Variants in LHFPL2 observed in about 807,000 individuals in gnomAD.
LHFPL2 encodes the protein LHFPL tetraspan subfamily member 2, also known as LHFPL tetraspan subfamily member 2 protein.
Under a neutral mutation model 17.5 loss-of-function variants are expected in LHFPL2, and 7 were observed. The ratio of observed to expected loss-of-function variants is 0.40; its 90% CI spans 0.23 to 0.75. LHFPL2 has a LOEUF of 0.75. Among genes scored for constraint, LHFPL2 ranks in the 30% least tolerant of loss-of-function variants. The pLI is 0.37. For synonymous variants in LHFPL2, 134 were observed against 116.2 expected, an observed-to-expected ratio of 1.15 and a Z score of -0.99; for missense variants, 241 against 294.8, an observed-to-expected ratio of 0.82 and a Z score of 1.34.
At chr5:78,501,190 C>T (rs545652527) in intron 4 of LHFPL2, among the ~76,000 whole-genome samples, 17 of 152,272 alleles carry the variant, frequency 1.1e-4, no homozygotes, top group Admixed American at 3.9e-4. Context: ...AATAAAGACA[C>T]TGAAAATAGC....
At chr5:78,617,281 C>G (rs757367232) in intron 2 of LHFPL2, among the ~76,000 whole-genome samples, 1 of 152,286 alleles carries the variant, frequency 6.6e-6, no homozygotes, top group Non-Finnish European at 1.5e-5. Flanking sequence ...CCACCCACCT[C>G]GGACTCCCAA....
At chr5:78,645,224 G>T (rs1656578254) in intron 1 of LHFPL2, among the ~76,000 whole-genome samples, 1 of 151,804 alleles carries the variant, frequency 6.6e-6, no homozygotes, top group South Asian at 2.1e-4. Flanking sequence ...GTCTATGGAA[G>T]TCCTTTGAAA....
intron 3 of LHFPL2, among the ~76,000 whole-genome samples, chr5:78,538,574 A>G (rs1481997705): frequency 6.6e-6 from 1 of 152,134 alleles, no homozygotes; most frequent in Non-Finnish European, 1.5e-5. Flanking sequence ...TGTCTTACTC[A>G]TTCCTGCTAT....
intron 1 of LHFPL2, among the ~76,000 whole-genome samples, chr5:78,640,127 T>C (rs577374583): frequency 3.9e-5 from 6 of 152,286 alleles, no homozygotes; most frequent in African/African-American, 1.4e-4. Context: ...GGGGAGCTTG[T>C]TGCTAAAGAA....
At chr5:78,502,957 C>T (rs374158384) in intron 4 of LHFPL2, among the ~76,000 whole-genome samples, 1,722 of 152,160 alleles carry the variant, frequency 0.011, 38 homozygotes, top group African/African-American at 0.04. Context: ...TCATTTTCTC[C>T]GCATGTGTAG....
At chr5:78,629,606 C>T (rs1407250453) in intron 2 of LHFPL2, among the ~76,000 whole-genome samples, 1 of 152,206 alleles carries the variant, frequency 6.6e-6, no homozygotes, top group Non-Finnish European at 1.5e-5. Context: ...TCCACAAAGG[C>T]TGAGGGAGGA....
chr5:78,600,020 AAC>A lies in LHFPL2; in HGVS notation c.-245+32242_-245+32243del, dbSNP rs377196059. Among the ~76,000 whole-genome samples, 31 of 152,268 alleles carry A rather than the reference AAC, an allele frequency of 2.0e-4. No homozygotes were observed. The East Asian group carries it at 6.0e-3, about 29-fold the overall frequency. On this transcript the variant is annotated intron_variant, in intron 2 of 4. Transcript: ENST00000380345. ...TAACCTCTCACTCAGATTAATAATGAACATGCAATATACCCTTCAGAAAGAGC... is the reference window on the plus strand; with the variant it reads ...TAACCTCTCACTCAGATTAATAATGAATGCAATATACCCTTCAGAAAGAGC...
intron 2 of LHFPL2, among the ~76,000 whole-genome samples, chr5:78,581,231 C>G (rs1313295413): frequency 6.6e-6 from 1 of 152,204 alleles, no homozygotes; most frequent in Non-Finnish European, 1.5e-5. Context: ...ATCATGTCAT[C>G]TGCAAACAGG....
intron 2 of LHFPL2, among the ~76,000 whole-genome samples, chr5:78,578,585 G>GCACA (rs61127481): frequency 0.061 from 8,921 of 146,902 alleles, 367 homozygotes; most frequent in Admixed American, 0.13. Flanking sequence ...TTGCATATGT[G>GCACA]CACACACACA....
chr5:78,498,780 T>C (rs542511447), intron 4 of LHFPL2, among the ~76,000 whole-genome samples: 1 of 152,270 alleles, frequency 6.6e-6, no homozygotes, highest in South Asian at 2.1e-4. Flanking sequence ...CAATTTAGAA[T>C]GAATGTCTTG....
At chr5:78,576,138 A>C (rs1757128019) in intron 2 of LHFPL2, among the ~76,000 whole-genome samples, 1 of 152,184 alleles carries the variant, frequency 6.6e-6, no homozygotes, top group African/African-American at 2.4e-5. Context: ...CACTAAAAAA[A>C]CAAAAAATTC....
At chr5:78,631,493 A>T (rs976732042) in intron 2 of LHFPL2, among the ~76,000 whole-genome samples, 6 of 152,258 alleles carry the variant, frequency 3.9e-5, no homozygotes, top group African/African-American at 1.4e-4. Context: ...CACAGACAAG[A>T]GGAAAAAGAT....
intron 2 of LHFPL2, among the ~76,000 whole-genome samples, chr5:78,594,919 G>A (rs1194066320): frequency 6.6e-6 from 1 of 152,226 alleles, no homozygotes; most frequent in East Asian, 1.9e-4. Flanking sequence ...GAAACCATCT[G>A]ATGTGGCTAG....
chr5:78,639,520 T>C (rs1470836120), intron 1 of LHFPL2, among the ~76,000 whole-genome samples: 3 of 152,156 alleles, frequency 2.0e-5, no homozygotes, highest in African/African-American at 7.2e-5. Flanking sequence ...GAGTTTTCAC[T>C]GCAGAAGAAC....
chr5:78,640,667 A>C lies in LHFPL2; in HGVS notation c.-350+7832T>G, dbSNP rs536876094. ...CTGAGAAACAGAAAAATAAAGAAAAAAAATTAGTCACTCATAGCCCCATTA... is the reference window on the plus strand; with the variant it reads ...CTGAGAAACAGAAAAATAAAGAAAACAAATTAGTCACTCATAGCCCCATTA... On this transcript the variant is annotated intron_variant, in intron 1 of 4. Transcript: ENST00000380345. Among the ~76,000 whole-genome samples, 3 of 152,310 alleles carry C rather than the reference A, an allele frequency of 2.0e-5. No homozygotes were observed. The South Asian group carries it at 6.2e-4, about 32-fold the overall frequency.
chr5:78,493,525 C>G (rs1401330652), intron 4 of LHFPL2, among the ~76,000 whole-genome samples: 3 of 152,248 alleles, frequency 2.0e-5, no homozygotes, highest in African/African-American at 7.2e-5. Flanking sequence ...GTTTACTGCT[C>G]TAATGCCTGT....
intron 3 of LHFPL2, among the ~76,000 whole-genome samples, chr5:78,516,498 T>C (rs2362834): frequency 0.89 from 135,810 of 152,116 alleles, 60,836 homozygotes; most frequent in African/African-American, 0.95. Context: ...AGGGGCGCTG[T>C]CAAACAAAAA....
chr5:78,514,747 T>C (rs1168045067), intron 3 of LHFPL2, among the ~76,000 whole-genome samples: 6 of 152,202 alleles, frequency 3.9e-5, no homozygotes. Context: ...CCCACCCTGA[T>C]GGGAACAGCA....
In LHFPL2 at chr5:78,594,763, T is replaced by TA. The variant is rs1440897212; in HGVS notation, c.-244-29893dup. ...GAAAACACAGTGCAAAAGTTGAAGG[T>TA]AAAAAAACTTGACATTTTATAATAG... On this transcript the variant is annotated intron_variant, in intron 2 of 4. Transcript: ENST00000380345. 2.4e-4 allele frequency among the ~76,000 whole-genome samples: 36 copies of TA among 152,186 alleles called. 1 individual carries two copies. Among genetic ancestry groups the TA allele is most frequent in the Non-Finnish European group, 1.0e-4 (7 of 68,018 alleles).
Sources: gnomAD v4.1 joint callset for allele counts (sites outside exome capture counted in the v4.1 genomes callset) on GRCh38, gnomAD v4.1.1 for gene constraint, MANE v1.5 for transcripts, NCBI Gene and HGNC (gene_info 2026-07-23, HGNC 2026-07-21) for gene names.